LMBRD2: variants seen among roughly 807,000 people sequenced by gnomAD.
LMBRD2 encodes G protein-coupled receptor-associated protein LMBRD2.
LMBRD2 carries 55 observed loss-of-function variants against 94.4 expected under a neutral mutation model. The ratio of observed to expected loss-of-function variants is 0.58; its 90% CI spans 0.47 to 0.73. The LOEUF (loss-of-function observed/expected upper bound fraction) is 0.73, where lower values mean the gene tolerates loss of function less well. LMBRD2 is among the 30% of genes least tolerant of loss of function. The pLI is 0.00. For synonymous variants in LMBRD2, 246 were observed against 272.4 expected, an observed-to-expected ratio of 0.90 and a Z score of 0.95; for missense variants, 640 against 831.9, an observed-to-expected ratio of 0.77 and a Z score of 2.84.
At chr5:36,140,224 G>A (rs535478661) in intron 4 of LMBRD2, among the ~76,000 whole-genome samples, 41 of 152,310 alleles carry the variant, frequency 2.7e-4, no homozygotes, top group Non-Finnish European at 1.6e-4. Context: ...CACCTGTGCC[G>A]ATGCCTGGAG....
At position 36,114,413 on chromosome 5, in the gene LMBRD2, A is replaced by G. The variant is rs76373091; in HGVS notation, c.1640+11T>C. 3 of 1,554,360 alleles carry G rather than the reference A, an allele frequency of 1.9e-6. No individual in the cohort carries two copies. The highest frequency in any genetic ancestry group is 2.5e-5 in the East Asian group (1 of 40,462). On this transcript the variant is annotated intron_variant, in intron 13 of 17. Coordinates refer to ENST00000296603, the MANE Select transcript of LMBRD2 (RefSeq NM_001007527.2). The stretch of plus-strand genomic sequence containing the variant: ...TAAGAGCAAAAGAAAAAACAATGTT[A>G]AGTTTCTTACCTAAAATAAGTAGCA...
chr5:36,131,896 G>A (rs1265816988), intron 6 of LMBRD2, among the ~76,000 whole-genome samples: 7 of 152,046 alleles, frequency 4.6e-5, no homozygotes, highest in Non-Finnish European at 8.8e-5. Flanking sequence ...ACTACCCAAA[G>A]CAATCTACAA....
At position 36,108,659 on chromosome 5, in the gene LMBRD2, AATC is replaced by A. The variant is rs1743531420; in HGVS notation, c.1792-23_1792-21del. On this transcript the variant is annotated intron_variant, in intron 15 of 17. Transcript: ENST00000296603. ...CCATTCCTAGAAAAGAAGCACAAAT[AATC>A]ATATAATAGAACAGAAAATAATTCA... 1 of 1,188,548 alleles carries A rather than the reference AATC, an allele frequency of 8.4e-7. No individual in the cohort carries two copies. Among genetic ancestry groups the A allele is most frequent in the African/African-American group, 1.5e-5 (1 of 65,794 alleles). The allele number at this position is 1,188,548 out of a possible 1,614,324, so 73.6% of individuals were successfully genotyped here.
At chr5:36,136,206 C>T (rs973615678) in intron 6 of LMBRD2, 103 bp downstream of exon 6, 72 of 1,072,430 alleles carry the variant, frequency 6.7e-5, no homozygotes, top group Middle Eastern at 5.5e-4. Flanking sequence ...GTTTTGCAGT[C>T]TGAAGCCCAT....
intron 1 of LMBRD2, among the ~76,000 whole-genome samples, chr5:36,146,658 T>C (rs1744548025): frequency 6.6e-6 from 1 of 152,186 alleles, no homozygotes; most frequent in Non-Finnish European, 1.5e-5. Flanking sequence ...ATTTCAGGCA[T>C]GATCCACCTA....
At chr5:36,138,030 A>G (rs1485996866) in intron 4 of LMBRD2, among the ~76,000 whole-genome samples, 1 of 152,226 alleles carries the variant, frequency 6.6e-6, no homozygotes, top group Non-Finnish European at 1.5e-5. Context: ...GAACTCTGAG[A>G]AATATCAACT....
chr5:36,114,865 T>C, intron 12 of LMBRD2, 150 bp downstream of exon 12: 1 of 596,262 alleles, frequency 1.7e-6, no homozygotes, highest in Non-Finnish European at 2.9e-6. Flanking sequence ...CACTTTTATC[T>C]AGTCAATAGT....
chr5:36,141,581 T>A (rs1371579143), intron 3 of LMBRD2, among the ~76,000 whole-genome samples: 1 of 151,476 alleles, frequency 6.6e-6, no homozygotes, highest in East Asian at 1.9e-4. Context: ...CATTTATAGG[T>A]TGGGTTTTTT....
At chr5:36,146,069 T>C (rs115039476) in intron 1 of LMBRD2, among the ~76,000 whole-genome samples, 1,535 of 152,344 alleles carry the variant, frequency 0.01, 24 homozygotes, top group African/African-American at 0.035. Context: ...GTCTGATTCA[T>C]AGTCAGCACT....
chr5:36,138,418 T>A (rs1744321592), intron 4 of LMBRD2, among the ~76,000 whole-genome samples: 1 of 152,182 alleles, frequency 6.6e-6, no homozygotes, highest in South Asian at 2.1e-4. Context: ...CATAGATGAA[T>A]TTCCCAAATA....
chr5:36,116,189 A>C lies in LMBRD2; in HGVS notation c.1436+271T>G, dbSNP rs148977184. On this transcript the variant is annotated intron_variant, in intron 11 of 17. Transcript: ENST00000296603. ...AGTCTCTAAACTGTCCATTGTTTCTACTGCTTGCTAATCTCTGGTTGGTAA... is the reference window on the plus strand; with the variant it reads ...AGTCTCTAAACTGTCCATTGTTTCTCCTGCTTGCTAATCTCTGGTTGGTAA... 8.1e-3 allele frequency among the ~76,000 whole-genome samples: 1,236 copies of C among 152,216 alleles called. 22 individuals are homozygous for C. The highest frequency in any genetic ancestry group is 0.029 in the African/African-American group (1,185 of 41,520).
intron 6 of LMBRD2, among the ~76,000 whole-genome samples, chr5:36,130,064 C>T (rs1744097477): frequency 6.6e-6 from 1 of 152,124 alleles, no homozygotes; most frequent in Non-Finnish European, 1.5e-5. Flanking sequence ...GGAGGGATAG[C>T]ATTAGGAGAT....
chr5:36,144,644 A>G (rs931783185), intron 1 of LMBRD2, among the ~76,000 whole-genome samples: 2 of 152,198 alleles, frequency 1.3e-5, no homozygotes, highest in Non-Finnish European at 1.5e-5. Flanking sequence ...ATATCGTGCC[A>G]TTACACTGAA....
Position 36,114,406 on chromosome 5 carries a change from C to A in LMBRD2, c.1640+18G>T. ...CCAGATTTAAGAGCAAAAGAAAAAA[C>A]AATGTTAAGTTTCTTACCTAAAATA... On this transcript the variant is annotated intron_variant, in intron 13 of 17. Transcript: ENST00000296603. 4 of 1,547,286 alleles carry A rather than the reference C, an allele frequency of 2.6e-6. No homozygotes were observed. Among genetic ancestry groups the A allele is most frequent in the Non-Finnish European group, 3.5e-6 (4 of 1,156,154 alleles).
intron 6 of LMBRD2, among the ~76,000 whole-genome samples, chr5:36,127,697 G>A (rs908998548): frequency 2.8e-4 from 42 of 152,172 alleles, no homozygotes; most frequent in African/African-American, 9.9e-4. Context: ...GAAAAGGGGA[G>A]GAAAGTGTGA....
intron 1 of LMBRD2, among the ~76,000 whole-genome samples, chr5:36,144,638 C>T (rs972170096): frequency 1.1e-4 from 17 of 152,062 alleles, no homozygotes; most frequent in Admixed American, 2.6e-4. Flanking sequence ...AAGCCGATAT[C>T]GTGCCATTAC....
intron 7 of LMBRD2, 47 bp from the exon 8 acceptor site, chr5:36,123,008 G>C (rs760514907): frequency 2.2e-6 from 3 of 1,387,264 alleles, no homozygotes; most frequent in Non-Finnish European, 2.8e-6. Flanking sequence ...ATTGTAAAAA[G>C]ATAAAAATTT....
intron 1 of LMBRD2, among the ~76,000 whole-genome samples, chr5:36,145,151 G>A (rs1331633162): frequency 6.6e-6 from 1 of 152,034 alleles, no homozygotes; most frequent in Non-Finnish European, 1.5e-5. Context: ...GTTAGTACCT[G>A]GCATACAGTA....
At chr5:36,116,956 G>A (rs1244971107) in intron 10 of LMBRD2, among the ~76,000 whole-genome samples, 1 of 152,104 alleles carries the variant, frequency 6.6e-6, no homozygotes, top group Non-Finnish European at 1.5e-5. Context: ...TTACAGGTGT[G>A]AGCCACCACG....
Sources: allele counts gnomAD v4.1 joint callset (sites outside exome capture counted in the v4.1 genomes callset), GRCh38; gene constraint gnomAD v4.1.1; transcripts MANE v1.5; gene names NCBI Gene and HGNC (gene_info 2026-07-23, HGNC 2026-07-21).